CDH13: variants seen among roughly 807,000 people sequenced by gnomAD.
The protein encoded by CDH13 is cadherin-13.
Under a neutral mutation model 63.8 loss-of-function variants are expected in CDH13, and 24 were observed. The observed-to-expected ratio is 0.38, with a 90% CI of 0.27 to 0.53. The LOEUF (loss-of-function observed/expected upper bound fraction) is 0.53, where lower values mean the gene tolerates loss of function less well. Ranked by LOEUF, CDH13 falls within the 20% of genes least tolerant of loss-of-function variation. The probability of loss-of-function intolerance (pLI) is 0.85; values close to 1 mark genes in which losing one functional copy is unlikely to be tolerated. For missense variants in CDH13, 1,049 were observed against 903.1 expected, an observed-to-expected ratio of 1.16 and a Z score of -2.07; for synonymous variants, 503 against 355.3, an observed-to-expected ratio of 1.42 and a Z score of -4.67.
intron 2 of CDH13, among the ~76,000 whole-genome samples, chr16:82,985,917 C>G (rs1415854256): frequency 6.6e-6 from 1 of 152,126 alleles, no homozygotes; most frequent in African/African-American, 2.4e-5. Flanking sequence ...ATGTGTTGTG[C>G]CTGCCTCCCT....
intron 8 of CDH13, among the ~76,000 whole-genome samples, chr16:83,620,369 G>A (rs1052681322): frequency 6.2e-5 from 8 of 129,494 alleles, no homozygotes; most frequent in Middle Eastern, 6.0e-3. Flanking sequence ...ACAACCTGTC[G>A]ACAGAGCGAG....
At chr16:82,683,636 G>A (rs1914776371) in intron 1 of CDH13, among the ~76,000 whole-genome samples, 1 of 152,178 alleles carries the variant, frequency 6.6e-6, no homozygotes, top group Admixed American at 6.5e-5. Flanking sequence ...ATGGATTGAG[G>A]AATGCATCCA....
intron 6 of CDH13, among the ~76,000 whole-genome samples, chr16:83,479,913 T>C (rs1461083863): frequency 3.3e-5 from 5 of 152,168 alleles, no homozygotes; most frequent in Non-Finnish European, 5.9e-5. Flanking sequence ...GGGTGTCAAG[T>C]CGAATAAATG....
At chr16:83,195,080 A>G (rs2038840135) in intron 4 of CDH13, among the ~76,000 whole-genome samples, 1 of 152,190 alleles carries the variant, frequency 6.6e-6, no homozygotes, top group Non-Finnish European at 1.5e-5. Context: ...CTAAGGAATA[A>G]TGTAAAATGT....
intron 4 of CDH13, among the ~76,000 whole-genome samples, chr16:83,158,143 C>T (rs1055220254): frequency 6.6e-6 from 1 of 152,040 alleles, no homozygotes; most frequent in Non-Finnish European, 1.5e-5. Flanking sequence ...GGAAGAGTCC[C>T]TTCCTGAATC....
At chr16:83,776,350 A>G (rs1915113644) in intron 11 of CDH13, among the ~76,000 whole-genome samples, 1 of 152,238 alleles carries the variant, frequency 6.6e-6, no homozygotes, top group Non-Finnish European at 1.5e-5. Context: ...TTTTCAGTAA[A>G]GAAATTTAAC....
intron 7 of CDH13, among the ~76,000 whole-genome samples, chr16:83,591,456 C>T (rs1372305592): frequency 6.6e-6 from 1 of 152,246 alleles, no homozygotes; most frequent in African/African-American, 2.4e-5. Flanking sequence ...GGGATTCACT[C>T]TGTTTCCTCT....
chr16:83,567,590 G>C (rs930143892), intron 7 of CDH13, among the ~76,000 whole-genome samples: 1 of 152,034 alleles, frequency 6.6e-6, no homozygotes, highest in Non-Finnish European at 1.5e-5. Flanking sequence ...TTCGTCTGTT[G>C]TTTTTTGTTT....
chr16:83,205,992 G>C (rs1383821910), intron 4 of CDH13, among the ~76,000 whole-genome samples: 2 of 152,096 alleles, frequency 1.3e-5, no homozygotes, highest in African/African-American at 4.8e-5. Context: ...ATTATTAACA[G>C]GCATAGACTG....
At chr16:83,248,095 C>G (rs1158871368) in intron 5 of CDH13, among the ~76,000 whole-genome samples, 1 of 152,094 alleles carries the variant, frequency 6.6e-6, no homozygotes, top group Non-Finnish European at 1.5e-5. Context: ...CAGCGGGGTG[C>G]TAATGAGATC....
chr16:83,490,830 T>C (rs1052290995), intron 7 of CDH13, among the ~76,000 whole-genome samples: 2 of 152,222 alleles, frequency 1.3e-5, no homozygotes, highest in African/African-American at 2.4e-5. Context: ...CCCCAAGACA[T>C]GTGCGTTTTC....
chr16:83,199,933 G>T (rs1320727615), intron 4 of CDH13, among the ~76,000 whole-genome samples: 1 of 152,152 alleles, frequency 6.6e-6, no homozygotes, highest in Non-Finnish European at 1.5e-5. Flanking sequence ...ACTGCACCAC[G>T]GGGGCAGGAA....
Position 83,777,826 on chromosome 16 carries a change from G to A in CDH13, c.1682-2142G>A, listed in dbSNP as rs533695805. On this transcript the variant is annotated intron_variant, in intron 11 of 13. Transcript: ENST00000567109. ...GTTTCAAAACATAAATATAGTACAAGAGAAAATAAAATTATACTTGGAAAT... is the reference window on the plus strand; with the variant it reads ...GTTTCAAAACATAAATATAGTACAAAAGAAAATAAAATTATACTTGGAAAT... Among the ~76,000 whole-genome samples, 251 of 152,166 alleles carry A rather than the reference G, an allele frequency of 1.6e-3. 2 individuals are homozygous for A. Among genetic ancestry groups the A allele is most frequent in the Non-Finnish European group, 2.6e-3 (178 of 67,996 alleles).
chr16:83,377,056 A>G (rs570177642), intron 6 of CDH13, among the ~76,000 whole-genome samples: 2 of 152,262 alleles, frequency 1.3e-5, no homozygotes, highest in Admixed American at 1.3e-4. Context: ...AAGGAGCTAT[A>G]TCAGAATTAG....
intron 1 of CDH13, among the ~76,000 whole-genome samples, chr16:82,840,330 C>T (rs1489804693): frequency 6.6e-6 from 1 of 151,064 alleles, no homozygotes; most frequent in Non-Finnish European, 1.5e-5. Flanking sequence ...CCTAAAATGT[C>T]TCTGCCTTCA....
chr16:83,538,959 C>A (rs937722791), intron 7 of CDH13, among the ~76,000 whole-genome samples: 1 of 152,184 alleles, frequency 6.6e-6, no homozygotes, highest in Admixed American at 6.5e-5. Context: ...CACACTTGAA[C>A]CCATATAAAC....
chr16:83,322,463 C>T lies in CDH13; in HGVS notation c.637-22399C>T, dbSNP rs561544004. On this transcript the variant is annotated intron_variant, in intron 5 of 13. Coordinates refer to ENST00000567109, the MANE Select transcript of CDH13 (RefSeq NM_001257.5). ...GATTCATTTGTTCATTGATTCATTT[C>T]TTTCATTTGTCATTCAACCAACAAA... Among the ~76,000 whole-genome samples the T allele has an allele frequency of 2.0e-5, 3 of 152,332 alleles. No individual in the cohort carries two copies. The South Asian group carries it at 6.2e-4, about 32-fold the overall frequency.
At chr16:83,017,806 C>G (rs967902031) in intron 2 of CDH13, among the ~76,000 whole-genome samples, 6 of 152,174 alleles carry the variant, frequency 3.9e-5, no homozygotes, top group African/African-American at 1.4e-4. Flanking sequence ...TTTGATGCCA[C>G]AGCCATTTAT....
chr16:83,710,584 G>A (rs575461266), intron 10 of CDH13: 1 of 151,184 alleles, frequency 6.6e-6, no homozygotes, highest in East Asian at 1.9e-4. Flanking sequence ...GGGAGCTGAA[G>A]AAGGAGGACT....
Sources: allele counts gnomAD v4.1 joint callset (sites outside exome capture counted in the v4.1 genomes callset), GRCh38; gene constraint gnomAD v4.1.1; transcripts MANE v1.5; gene names NCBI Gene and HGNC (gene_info 2026-07-23, HGNC 2026-07-21).